Variants in SPAG16 observed in about 807,000 individuals in gnomAD.
SPAG16 encodes sperm-associated antigen 16 protein.
SPAG16 carries 86 observed loss-of-function variants against 80.4 expected under a neutral mutation model. That is an observed-to-expected ratio of 1.07 (90% CI 0.90 to 1.28). The LOEUF is 1.28. Ranked by LOEUF, SPAG16 falls within the 50% of genes most tolerant of loss-of-function variation. The pLI, the probability that SPAG16 is intolerant of heterozygous loss-of-function variation, is 0.00. For missense variants in SPAG16, 870 were observed against 765.3 expected (o/e 1.14, Z -1.61); for synonymous variants, 294 against 265.9 (o/e 1.11, Z -1.03).
At chr2:213,296,499 G>A (rs372219274) in intron 2 of SPAG16, among the ~76,000 whole-genome samples, 1 of 152,122 alleles carries the variant, frequency 6.6e-6, no homozygotes, top group Non-Finnish European at 1.5e-5. Context: ...CATCCTTCCA[G>A]CTTAACAGTA....
At chr2:213,404,346 G>C (rs972693677) in intron 9 of SPAG16, among the ~76,000 whole-genome samples, 1 of 152,132 alleles carries the variant, frequency 6.6e-6, no homozygotes, top group Non-Finnish European at 1.5e-5. Flanking sequence ...CATGGTACTG[G>C]TACCAAAACA....
At chr2:213,976,135 T>TATATATACACACAC (rs749957411) in intron 12 of SPAG16, among the ~76,000 whole-genome samples, 144 of 81,392 alleles carry the variant, frequency 1.8e-3, no homozygotes, top group African/African-American at 4.9e-3. Context: ...TATATATATA[T>TATATATACACACAC]ACACACACAC....
intron 15 of SPAG16, among the ~76,000 whole-genome samples, chr2:214,182,337 T>C (rs919196939): frequency 1.3e-5 from 2 of 151,804 alleles, no homozygotes; most frequent in Non-Finnish European, 2.9e-5. Flanking sequence ...ATGCCTCCAG[T>C]AGTACACTGG....
intron 10 of SPAG16, among the ~76,000 whole-genome samples, chr2:213,857,878 A>T (rs1452842183): frequency 1.3e-5 from 2 of 152,214 alleles, no homozygotes; most frequent in Admixed American, 6.5e-5. Context: ...GTTTGAAAGA[A>T]GTTGATGCAA....
chr2:213,540,690 C>T (rs2125915103), intron 10 of SPAG16, among the ~76,000 whole-genome samples: 1 of 152,220 alleles, frequency 6.6e-6, no homozygotes, highest in Middle Eastern at 3.4e-3. Flanking sequence ...ATTTGTAGTT[C>T]TTCACAATTT....
At chr2:213,430,395 C>T (rs778240980) in intron 9 of SPAG16, among the ~76,000 whole-genome samples, 5 of 152,172 alleles carry the variant, frequency 3.3e-5, no homozygotes, top group Admixed American at 6.5e-5. Flanking sequence ...GGGCTGCATG[C>T]GGCCCAGGAC....
intron 15 of SPAG16, among the ~76,000 whole-genome samples, chr2:214,359,938 T>C (rs1461813362): frequency 6.6e-6 from 1 of 151,886 alleles, no homozygotes; most frequent in Non-Finnish European, 1.5e-5. Flanking sequence ...AGAGAAGATT[T>C]AGTCTACAAT....
At chr2:213,469,616 C>G (rs2072958843) in intron 9 of SPAG16, among the ~76,000 whole-genome samples, 1 of 134,332 alleles carries the variant, frequency 7.4e-6, no homozygotes, top group Non-Finnish European at 1.5e-5. Flanking sequence ...ATGACCCAAG[C>G]CTTCATTCCT....
At chr2:213,474,829 T>G (rs1393477869) in intron 9 of SPAG16, among the ~76,000 whole-genome samples, 1 of 152,156 alleles carries the variant, frequency 6.6e-6, no homozygotes, top group African/African-American at 2.4e-5. Flanking sequence ...CCCACCCAGA[T>G]TAAGAGTTGG....
At chr2:214,242,069 A>G (rs539812145) in intron 15 of SPAG16, among the ~76,000 whole-genome samples, 3 of 152,336 alleles carry the variant, frequency 2.0e-5, no homozygotes, top group Admixed American at 6.5e-5. Flanking sequence ...CTATAATTCT[A>G]TATTTCTCAG....
intron 15 of SPAG16, among the ~76,000 whole-genome samples, chr2:214,359,092 T>C (rs571048658): frequency 4.1e-4 from 62 of 151,970 alleles, no homozygotes; most frequent in African/African-American, 1.4e-3. Flanking sequence ...TCCTATTTTA[T>C]AGAGAATAAT....
intron 10 of SPAG16, among the ~76,000 whole-genome samples, chr2:213,603,925 G>GTTT (rs111445953): frequency 7.1e-6 from 1 of 140,366 alleles, no homozygotes; most frequent in African/African-American, 2.6e-5. Context: ...AGACTTCCTG[G>GTTT]TTTTTTTTTT....
intron 15 of SPAG16, among the ~76,000 whole-genome samples, chr2:214,211,376 C>T (rs1278489278): frequency 6.6e-6 from 1 of 152,224 alleles, no homozygotes; most frequent in Non-Finnish European, 1.5e-5. Context: ...AAAGTCCACA[C>T]TGTCATATGG....
intron 10 of SPAG16, among the ~76,000 whole-genome samples, chr2:213,582,888 T>C (rs1160053355): frequency 6.6e-6 from 1 of 152,192 alleles, no homozygotes; most frequent in Non-Finnish European, 1.5e-5. Flanking sequence ...CCTCATTTTC[T>C]GAAGCAGTAC....
At chr2:214,406,068 A>G (rs191934357) in intron 15 of SPAG16, among the ~76,000 whole-genome samples, 2 of 152,334 alleles carry the variant, frequency 1.3e-5, no homozygotes, top group Admixed American at 1.3e-4. Context: ...TTCAAGCAAC[A>G]AGCACATATT....
At chr2:213,402,263 ATTTCC>A in intron 9 of SPAG16, among the ~76,000 whole-genome samples, 1 of 152,086 alleles carries the variant, frequency 6.6e-6, no homozygotes, top group Non-Finnish European at 1.5e-5. Flanking sequence ...TGCAGTAAAT[ATTTCC>A]TTTCCTCCAT....
chr2:213,550,261 T>A (rs2076741758), intron 10 of SPAG16, among the ~76,000 whole-genome samples: 1 of 152,020 alleles, frequency 6.6e-6, no homozygotes, highest in Non-Finnish European at 1.5e-5. Flanking sequence ...TGAACAATGC[T>A]ACTTTTCCAC....
intron 10 of SPAG16, among the ~76,000 whole-genome samples, chr2:213,520,215 GT>G (rs1371616454): frequency 6.6e-6 from 1 of 152,098 alleles, no homozygotes; most frequent in African/African-American, 2.4e-5. Context: ...TCATGGGATG[GT>G]TTCTCTTTCA....
At chr2:214,180,043 A>G (rs546586573) in intron 15 of SPAG16, among the ~76,000 whole-genome samples, 1 of 151,710 alleles carries the variant, frequency 6.6e-6, no homozygotes, top group East Asian at 1.9e-4. Context: ...AATTACACAG[A>G]TAAATAATAT....
Sources: gnomAD v4.1 joint callset for allele counts (sites outside exome capture counted in the v4.1 genomes callset) on GRCh38, gnomAD v4.1.1 for gene constraint, MANE v1.5 for transcripts, NCBI Gene and HGNC (gene_info 2026-07-23, HGNC 2026-07-21) for gene names.